CPQ: variants seen among roughly 807,000 people sequenced by gnomAD.
CPQ encodes Ser-Met dipeptidase.
Under a neutral mutation model 45.7 loss-of-function variants are expected in CPQ, and 37 were observed. That is an observed-to-expected ratio of 0.81 (90% CI 0.62 to 1.07). CPQ has a LOEUF of 1.07. CPQ is among the 50% of genes least tolerant of loss of function. CPQ has a pLI of 0.00. For synonymous variants in CPQ, 186 were observed against 205.8 expected, an observed-to-expected ratio of 0.90 and a Z score of 0.82; for missense variants, 537 against 572.9, an observed-to-expected ratio of 0.94 and a Z score of 0.64.
rs563647358 is a variant in CPQ, at chr8:96,956,661, T to C, written c.850-9274T>C. The stretch of plus-strand genomic sequence containing the variant: ...AGTTAACATGTCTAGTCTGGCATTT[T>C]TCCTCCAAGATATATAAATTCTAAT... On this transcript the variant is annotated intron_variant, in intron 4 of 7. Coordinates refer to ENST00000220763, the MANE Select transcript of CPQ (RefSeq NM_016134.4). Among the ~76,000 whole-genome samples the C allele has an allele frequency of 4.6e-5, 7 of 152,284 alleles. No individual in the cohort carries two copies. The East Asian group carries it at 1.3e-3, about 29-fold the overall frequency.
At chr8:97,043,207 T>C (rs1275730999) in intron 6 of CPQ, among the ~76,000 whole-genome samples, 1 of 152,196 alleles carries the variant, frequency 6.6e-6, no homozygotes, top group Admixed American at 6.5e-5. Context: ...TAGTTAGCTC[T>C]TCCTGTTGAA....
At chr8:96,877,483 A>G (rs1164305741) in intron 3 of CPQ, among the ~76,000 whole-genome samples, 2 of 152,196 alleles carry the variant, frequency 1.3e-5, no homozygotes, top group African/African-American at 4.8e-5. Flanking sequence ...GAGTTTGTTG[A>G]ATCCCAGACA....
intron 5 of CPQ, among the ~76,000 whole-genome samples, chr8:96,992,505 A>G (rs1809110811): frequency 6.6e-6 from 1 of 152,190 alleles, no homozygotes; most frequent in African/African-American, 2.4e-5. Flanking sequence ...ATTTAACATG[A>G]GGAAAACTTA....
intron 7 of CPQ, among the ~76,000 whole-genome samples, chr8:97,101,941 T>C (rs926296912): frequency 7.2e-5 from 10 of 138,870 alleles, no homozygotes; most frequent in African/African-American, 2.3e-4. Flanking sequence ...TCTCTCTCTC[T>C]CCCTCCCTCC....
chr8:97,142,903 T>G, intron 7 of CPQ, 117 bp from the exon 8 acceptor site: 2 of 872,586 alleles, frequency 2.3e-6, no homozygotes, highest in Non-Finnish European at 3.5e-6. Context: ...GGAAAAGTAA[T>G]TATTTTGCTA....
intron 1 of CPQ, among the ~76,000 whole-genome samples, chr8:96,653,473 C>CGGGGCTTAGCGGTGCTGACTCCCTCTA (rs1815601477): frequency 6.6e-6 from 1 of 152,118 alleles, no homozygotes; most frequent in Non-Finnish European, 1.5e-5. Flanking sequence ...TTGAGCAATG[C>CGGGGCTTAGCGGTGCTGACTCCCTCTA]GGGGCTTAGC....
chr8:97,088,227 G>C (rs1438439129), intron 7 of CPQ, among the ~76,000 whole-genome samples: 1 of 152,222 alleles, frequency 6.6e-6, no homozygotes, highest in Admixed American at 6.5e-5. Flanking sequence ...TTCACCAAAT[G>C]AGTTGCCAAG....
chr8:96,731,854 T>G lies in CPQ; in HGVS notation c.-34-53010T>G, dbSNP rs184940661. ...AAACATGAACATATTCTTCCCTATT[T>G]TTTTGTTCCAATATGGTTAAACAAA... On this transcript the variant is annotated intron_variant, in intron 1 of 7. Transcript: ENST00000220763. Among the ~76,000 whole-genome samples the G allele has an allele frequency of 1.6e-3, 242 of 152,280 alleles. 2 individuals carry two copies. The highest frequency in any genetic ancestry group is 5.6e-3 in the African/African-American group (233 of 41,556).
intron 3 of CPQ, among the ~76,000 whole-genome samples, chr8:96,874,256 T>C (rs1371050458): frequency 6.6e-6 from 1 of 151,800 alleles, no homozygotes; most frequent in Non-Finnish European, 1.5e-5. Flanking sequence ...GATTCTCTCC[T>C]TAAAGGAAAA....
rs538645682 is a variant in CPQ at position 96,791,713 on chromosome 8, G to A, written c.433+6383G>A. ...CCACAGGAGACAGTGTAAAGTTGGC[G>A]TAACAGGATCTCTAATCCAGGCAGA... On this transcript the variant is annotated intron_variant, in intron 2 of 7. Coordinates refer to ENST00000220763, the MANE Select transcript of CPQ (RefSeq NM_016134.4). Among the ~76,000 whole-genome samples, 8 of 152,292 alleles carry A rather than the reference G, an allele frequency of 5.3e-5. No homozygotes were observed. In the South Asian group the frequency reaches 6.2e-4, roughly 12 times the overall value.
At chr8:96,671,319 C>T (rs761569650) in intron 1 of CPQ, among the ~76,000 whole-genome samples, 14 of 151,992 alleles carry the variant, frequency 9.2e-5, no homozygotes, top group Admixed American at 2.6e-4. Context: ...TATAAAAAAG[C>T]GTGTGTGTGT....
intron 7 of CPQ, among the ~76,000 whole-genome samples, chr8:97,073,533 T>A (rs1810791300): frequency 6.6e-6 from 1 of 152,170 alleles, no homozygotes; most frequent in South Asian, 2.1e-4. Context: ...ACTGGGAACA[T>A]GAAAAGGAAC....
At chr8:96,680,443 G>C (rs1045860826) in intron 1 of CPQ, 1 of 151,772 alleles carries the variant, frequency 6.6e-6, no homozygotes, top group African/African-American at 2.4e-5. Context: ...TTAAAAACAG[G>C]AGTTTCCCTA....
intron 1 of CPQ, among the ~76,000 whole-genome samples, chr8:96,741,825 C>G (rs1180406256): frequency 1.3e-5 from 2 of 149,996 alleles, no homozygotes; most frequent in Admixed American, 1.3e-4. Flanking sequence ...TTTGATTGCA[C>G]TGTGGTCTGA....
intron 1 of CPQ, among the ~76,000 whole-genome samples, chr8:96,651,347 G>A (rs140307552): frequency 1.3e-5 from 2 of 152,312 alleles, no homozygotes; most frequent in East Asian, 3.9e-4. Context: ...TATGGTCCTT[G>A]AATTCTACAT....
chr8:96,937,830 T>C (rs1813073943), intron 4 of CPQ, among the ~76,000 whole-genome samples: 1 of 152,246 alleles, frequency 6.6e-6, no homozygotes, highest in African/African-American at 2.4e-5. Context: ...AGGTTTAATA[T>C]TCACAGGATT....
chr8:96,865,271 A>G (rs1445520596), intron 3 of CPQ, among the ~76,000 whole-genome samples: 2 of 151,998 alleles, frequency 1.3e-5, no homozygotes, highest in African/African-American at 4.8e-5. Flanking sequence ...ATCCAGTTTG[A>G]ACACTTGAAC....
intron 5 of CPQ, among the ~76,000 whole-genome samples, chr8:97,022,764 C>CTTCT (rs1809711271): frequency 6.6e-6 from 1 of 151,828 alleles, no homozygotes; most frequent in Non-Finnish European, 1.5e-5. Context: ...ATAGGGAACA[C>CTTCT]TTCTGCACTG....
At chr8:97,123,066 A>T (rs71506314) in intron 7 of CPQ, among the ~76,000 whole-genome samples, 13,407 of 47,274 alleles carry the variant, frequency 0.28, 3,814 homozygotes, top group East Asian at 0.33. Flanking sequence ...ATAAAATAAA[A>T]AAAATAAAAT....
Sources: allele counts gnomAD v4.1 joint callset (sites outside exome capture counted in the v4.1 genomes callset), GRCh38; gene constraint gnomAD v4.1.1; transcripts MANE v1.5; gene names NCBI Gene and HGNC (gene_info 2026-07-23, HGNC 2026-07-21).